The following RAD51B variants were observed in gnomAD, a reference collection of about 807,000 sequenced individuals.
The protein encoded by RAD51B is RAD51 paralog B.
A neutral mutation model predicts 42.2 loss-of-function variants in RAD51B; 38 were observed. The ratio of observed to expected loss-of-function variants is 0.90; its 90% CI spans 0.70 to 1.18. RAD51B has a LOEUF of 1.18. RAD51B is among the 50% of genes most tolerant of loss of function. The pLI is 0.00. For synonymous variants in RAD51B, 154 were observed against 145.2 expected (o/e 1.06, Z -0.43); for missense variants, 373 against 400.7 (o/e 0.93, Z 0.59).
intron 7 of RAD51B, among the ~76,000 whole-genome samples, chr14:68,025,476 C>CTTTTTTT (rs765471138): frequency 7.3e-5 from 3 of 40,968 alleles, no homozygotes; most frequent in East Asian, 7.8e-4. Context: ...CTGGTCTAGG[C>CTTTTTTT]TTTTTTTTTT....
intron 7 of RAD51B, among the ~76,000 whole-genome samples, chr14:68,291,335 C>G (rs1397049645): frequency 6.6e-6 from 1 of 151,970 alleles, no homozygotes; most frequent in African/African-American, 2.4e-5. Flanking sequence ...AGTAGAGTAG[C>G]TGGGATTACA....
chr14:68,228,536 C>A (rs1270057171), intron 7 of RAD51B, among the ~76,000 whole-genome samples: 2 of 152,094 alleles, frequency 1.3e-5, no homozygotes, highest in Non-Finnish European at 1.5e-5. Context: ...TAGAAACCAA[C>A]ATCTTTGATT....
intron 7 of RAD51B, among the ~76,000 whole-genome samples, chr14:68,192,336 CCTT>C (rs2079283710): frequency 6.6e-6 from 1 of 152,112 alleles, no homozygotes; most frequent in African/African-American, 2.4e-5. Flanking sequence ...TTTGGGTGCT[CCTT>C]CTTGTTTCAT....
In RAD51B at chr14:68,257,516, T is replaced by C. The variant is rs139887767; in HGVS notation, c.757-34368T>C. Among the ~76,000 whole-genome samples, 204 of 152,276 alleles carry C rather than the reference T, an allele frequency of 1.3e-3. 3 individuals carry two copies. The East Asian group carries it at 0.035, about 26-fold the overall frequency. On this transcript the variant is annotated intron_variant, in intron 7 of 10. Transcript: ENST00000471583. ...TAGTATACTATTTATGCTCAATTGA[T>C]AATTTAAAATTAAATGATTTTGTAT...
intron 5 of RAD51B, among the ~76,000 whole-genome samples, chr14:67,866,160 A>G (rs76028625): frequency 6.6e-6 from 1 of 152,242 alleles, no homozygotes; most frequent in East Asian, 1.9e-4. Flanking sequence ...TTGTAAGATT[A>G]AAAAATAGTT....
At chr14:68,604,502 A>G (rs1385842942) in intron 10 of RAD51B, among the ~76,000 whole-genome samples, 1 of 152,142 alleles carries the variant, frequency 6.6e-6, no homozygotes, top group Non-Finnish European at 1.5e-5. Context: ...GCCCTCCAGT[A>G]AAGTGTGCTT....
chr14:68,574,189 G>A (rs1889854709), intron 10 of RAD51B, among the ~76,000 whole-genome samples: 2 of 152,128 alleles, frequency 1.3e-5, no homozygotes, highest in Admixed American at 6.5e-5. Flanking sequence ...GCTCGCTGCA[G>A]CTTCAAACTC....
At chr14:68,275,835 CACA>C (rs1566778272) in intron 7 of RAD51B, among the ~76,000 whole-genome samples, 3 of 138,802 alleles carry the variant, frequency 2.2e-5, no homozygotes, top group African/African-American at 5.4e-5. Flanking sequence ...CACACACACA[CACA>C]CACCCTTGAA....
chr14:67,897,238 G>C (rs1474248757), intron 7 of RAD51B, among the ~76,000 whole-genome samples: 1 of 152,014 alleles, frequency 6.6e-6, no homozygotes, highest in African/African-American at 2.4e-5. Context: ...AGCAAAAATA[G>C]ACAAATGGAA....
chr14:67,999,657 C>T (rs1023471010), intron 7 of RAD51B, among the ~76,000 whole-genome samples: 1 of 152,190 alleles, frequency 6.6e-6, no homozygotes, highest in African/African-American at 2.4e-5. Flanking sequence ...TATAGGACTT[C>T]TGAGAAGGTT....
At chr14:67,970,737 G>C (rs1466716713) in intron 7 of RAD51B, among the ~76,000 whole-genome samples, 1 of 151,888 alleles carries the variant, frequency 6.6e-6, no homozygotes, top group Non-Finnish European at 1.5e-5. Flanking sequence ...TACCCTCTTT[G>C]AAAAATCACT....
At chr14:68,021,903 T>C (rs1439280795) in intron 7 of RAD51B, among the ~76,000 whole-genome samples, 1 of 152,228 alleles carries the variant, frequency 6.6e-6, no homozygotes, top group Non-Finnish European at 1.5e-5. Context: ...GTGGAGGGTC[T>C]TGCCTTGATG....
intron 7 of RAD51B, among the ~76,000 whole-genome samples, chr14:68,257,553 T>C (rs1351061772): frequency 6.6e-6 from 1 of 152,072 alleles, no homozygotes; most frequent in Non-Finnish European, 1.5e-5. Flanking sequence ...TTAATAAGAA[T>C]TTTTACATAA....
chr14:68,301,727 G>C (rs1007017612), intron 8 of RAD51B, among the ~76,000 whole-genome samples: 2 of 151,824 alleles, frequency 1.3e-5, no homozygotes, highest in Non-Finnish European at 2.9e-5. Context: ...CTCCTGAGTA[G>C]CTGGGATTAC....
chr14:68,161,263 TTCTC>T (rs762944558), intron 7 of RAD51B, among the ~76,000 whole-genome samples: 1 of 152,182 alleles, frequency 6.6e-6, no homozygotes, highest in Admixed American at 6.5e-5. Context: ...TGTCAGGGCT[TTCTC>T]TCTCGTGTTT....
intron 10 of RAD51B, among the ~76,000 whole-genome samples, chr14:68,503,923 A>G (rs1885097611): frequency 6.6e-6 from 1 of 152,204 alleles, no homozygotes; most frequent in Admixed American, 6.5e-5. Flanking sequence ...CCCCAAAAGG[A>G]AAAACAGAAA....
chr14:67,953,046 C>A lies in RAD51B; in HGVS notation c.756+65842C>A, dbSNP rs546886445. ...ACTATGCTAAGCATTGCAGAAAGAG[C>A]AAAATGGATATTACTTCTGTCCTCA... On this transcript the variant is annotated intron_variant, in intron 7 of 10. Coordinates refer to ENST00000471583, the MANE Select transcript of RAD51B (RefSeq NM_133510.4). 2.6e-5 allele frequency among the ~76,000 whole-genome samples: 4 copies of A among 152,014 alleles called. No homozygotes were observed. In the East Asian group the frequency reaches 7.7e-4, roughly 29 times the overall value.
intron 10 of RAD51B, among the ~76,000 whole-genome samples, chr14:68,571,575 T>G (rs1409213000): frequency 6.6e-6 from 1 of 152,216 alleles, no homozygotes; most frequent in Non-Finnish European, 1.5e-5. Flanking sequence ...CTCCCTCTTC[T>G]TCTTTTAGGA....
rs1031953090 is a variant in RAD51B, at chr14:68,477,696, G to C, written c.*32G>C. 3 of 1,610,418 alleles carry C rather than the reference G, an allele frequency of 1.9e-6. No homozygotes were observed. The highest frequency in any genetic ancestry group is 2.5e-6 in the Non-Finnish European group (3 of 1,178,966). ...TGTGACCTTTGTCTAGAGTTGATGG[G>C]GGTGTGATTTGTGAAATAAAACAGG... On this transcript the variant is annotated 3_prime_UTR_variant, in exon 11 of 11. Transcript: ENST00000471583.
Sources: gnomAD v4.1 joint callset for allele counts (sites outside exome capture counted in the v4.1 genomes callset) on GRCh38, gnomAD v4.1.1 for gene constraint, MANE v1.5 for transcripts, NCBI Gene and HGNC (gene_info 2026-07-23, HGNC 2026-07-21) for gene names.